The following PDE1A variants were observed in gnomAD, a reference collection of about 807,000 sequenced individuals.
PDE1A encodes the protein phosphodiesterase 1A.
In PDE1A, 35 loss-of-function variants were observed where a neutral mutation model predicts 61.7. The observed-to-expected ratio is 0.57, with a 90% CI of 0.43 to 0.75. PDE1A has a LOEUF of 0.75. Ranked by LOEUF, PDE1A falls within the 30% of genes least tolerant of loss-of-function variation. The pLI is 0.00. For synonymous variants in PDE1A, 232 were observed against 213.2 expected (o/e 1.09, Z -0.77); for missense variants, 597 against 630.6 (o/e 0.95, Z 0.57).
At chr2:182,174,162 C>T (rs1284234157) in intron 13 of PDE1A, among the ~76,000 whole-genome samples, 1 of 151,972 alleles carries the variant, frequency 6.6e-6, no homozygotes, top group East Asian at 1.9e-4. Context: ...GCTAACACTG[C>T]TATTCATTCT....
intron 1 of PDE1A, among the ~76,000 whole-genome samples, chr2:182,401,845 T>C (rs1474367445): frequency 1.3e-5 from 2 of 152,188 alleles, no homozygotes; most frequent in Non-Finnish European, 2.9e-5. Context: ...ACAAAATCAA[T>C]GTACAAAAAT....
downstream of PDE1A, among the ~76,000 whole-genome samples, chr2:182,144,048 A>G (rs1430108142): frequency 1.3e-5 from 2 of 152,210 alleles, no homozygotes; most frequent in Non-Finnish European, 2.9e-5. Flanking sequence ...GTAGTCAACT[A>G]AAGAACATAA....
At chr2:182,511,473 G>A (rs1319631410) in intron 2 of PDE1A, among the ~76,000 whole-genome samples, 2 of 152,150 alleles carry the variant, frequency 1.3e-5, no homozygotes, top group Non-Finnish European at 2.9e-5. Context: ...CCTAGCTGCA[G>A]GAGACCCCAT....
the PDE1A span, among the ~76,000 whole-genome samples, chr2:182,632,778 G>GC: frequency 6.6e-6 from 1 of 152,018 alleles, no homozygotes; most frequent in Non-Finnish European, 1.5e-5. Context: ...AGTTTACTTA[G>GC]CCCCCCACAA....
At chr2:182,706,253 G>T in the PDE1A span, among the ~76,000 whole-genome samples, 8 of 152,138 alleles carry the variant, frequency 5.3e-5, no homozygotes, top group Non-Finnish European at 1.2e-4. Flanking sequence ...GAGAATGCTT[G>T]TCCTAATTAT....
At chr2:182,264,467 A>T in intron 1 of PDE1A, 53 bp from the exon 2 acceptor site, 1 of 1,285,322 alleles carries the variant, frequency 7.8e-7, no homozygotes, top group Non-Finnish European at 1.1e-6. Flanking sequence ...TATTGTAACT[A>T]TATGGAAAAT....
In PDE1A at chr2:182,281,992, C is replaced by A. The variant is rs1183852308; in HGVS notation, c.54-17578G>T. ...TTATTGATCACCCAAATCATTCACC[C>A]CATACCTGTGCCTTTCTGTCATCTG... On this transcript the variant is annotated intron_variant, in intron 1 of 13. Transcript: ENST00000351439. 2.6e-5 allele frequency among the ~76,000 whole-genome samples: 4 copies of A among 151,968 alleles called. No individual in the cohort carries two copies. The East Asian group carries it at 7.8e-4, about 30-fold the overall frequency.
At chr2:182,607,327 C>T in the PDE1A span, among the ~76,000 whole-genome samples, 2 of 152,160 alleles carry the variant, frequency 1.3e-5, no homozygotes, top group African/African-American at 4.8e-5. Flanking sequence ...AATATCAGTT[C>T]TATAGGACAA....
chr2:182,464,577 T>C (rs754261012), intron 2 of PDE1A, among the ~76,000 whole-genome samples: 76 of 152,128 alleles, frequency 5.0e-4, no homozygotes, highest in Non-Finnish European at 6.3e-4. Context: ...CAGAGCTGGA[T>C]AGTAGTTAAC....
the PDE1A span, among the ~76,000 whole-genome samples, chr2:182,693,454 G>A: frequency 2.0e-5 from 3 of 152,202 alleles, no homozygotes; most frequent in South Asian, 6.2e-4. Flanking sequence ...TGTGCTTGCA[G>A]GTCATTTGCA....
At chr2:182,148,710 C>T (rs1049772816) in intron 13 of PDE1A, among the ~76,000 whole-genome samples, 3 of 152,148 alleles carry the variant, frequency 2.0e-5, no homozygotes, top group Admixed American at 1.3e-4. Context: ...TCTACACAGC[C>T]GTCTCTCCTT....
intron 2 of PDE1A, among the ~76,000 whole-genome samples, chr2:182,517,329 T>C (rs1481502563): frequency 1.3e-5 from 2 of 152,190 alleles, no homozygotes; most frequent in Non-Finnish European, 2.9e-5. Context: ...CAAACACCCT[T>C]CCATCTTCTC....
chr2:182,283,223 A>G (rs1171939059), intron 1 of PDE1A, among the ~76,000 whole-genome samples: 1 of 152,092 alleles, frequency 6.6e-6, no homozygotes, highest in Non-Finnish European at 1.5e-5. Context: ...GTGGTCAGGT[A>G]AGTTTTACAC....
the PDE1A span, among the ~76,000 whole-genome samples, chr2:182,621,655 T>C: frequency 3.9e-5 from 6 of 152,200 alleles, no homozygotes; most frequent in East Asian, 3.8e-4. Flanking sequence ...GTTGTCATAG[T>C]TTTTGGTTTC....
the PDE1A span, among the ~76,000 whole-genome samples, chr2:182,562,166 C>G: frequency 1.3e-5 from 2 of 152,032 alleles, no homozygotes; most frequent in Non-Finnish European, 2.9e-5. Flanking sequence ...CAGTTTTTGC[C>G]CATTCAGTGT....
intron 1 of PDE1A, among the ~76,000 whole-genome samples, chr2:182,415,189 C>T (rs1702842177): frequency 2.0e-5 from 3 of 152,068 alleles, no homozygotes; most frequent in East Asian, 3.9e-4. Context: ...AGAAAATAGC[C>T]TTCTGAGGGC....
intron 1 of PDE1A, among the ~76,000 whole-genome samples, chr2:182,352,156 G>A (rs1698918883): frequency 6.6e-6 from 1 of 152,190 alleles, no homozygotes; most frequent in Admixed American, 6.5e-5. Context: ...CACCTTGAGG[G>A]ATGAGGTAAT....
chr2:182,379,446 C>CT (rs1700600779), intron 1 of PDE1A, among the ~76,000 whole-genome samples: 1 of 152,162 alleles, frequency 6.6e-6, no homozygotes, highest in Non-Finnish European at 1.5e-5. Flanking sequence ...CTCTGCAGAT[C>CT]TTTTTTCTTC....
chr2:182,269,535 T>G (rs117167454), intron 1 of PDE1A, among the ~76,000 whole-genome samples: 1 of 151,862 alleles, frequency 6.6e-6, no homozygotes, highest in African/African-American at 2.4e-5. Context: ...AAATTAAGGA[T>G]GTAATAATAT....
Sources: gnomAD v4.1 joint callset for allele counts (sites outside exome capture counted in the v4.1 genomes callset) on GRCh38, gnomAD v4.1.1 for gene constraint, MANE v1.5 for transcripts, NCBI Gene and HGNC (gene_info 2026-07-23, HGNC 2026-07-21) for gene names.